TMEM259: variants seen among roughly 807,000 people sequenced by gnomAD.
The protein encoded by TMEM259 is transmembrane protein 259.
In TMEM259, 26 loss-of-function variants were observed where a neutral mutation model predicts 46.7. The ratio of observed to expected loss-of-function variants is 0.56; its 90% confidence interval spans 0.41 to 0.77. The LOEUF is 0.77. Ranked by LOEUF, TMEM259 falls within the 30% of genes least tolerant of loss-of-function variation. The pLI is 0.00. For missense variants in TMEM259, 930 were observed against 900.5 expected (o/e 1.03, Z -0.42); for synonymous variants, 494 against 395.1 (o/e 1.25, Z -2.97).
At chr19:1,011,549 C>A (rs373814411) in intron 8 of TMEM259, 31 bp downstream of exon 8, 3 of 480,872 alleles carry the variant, frequency 6.2e-6, no homozygotes, top group African/African-American at 2.2e-5. Flanking sequence ...GGGTGCAGCG[C>A]GGGGCGGGGG....
Position 1,011,593 on chromosome 19 carries a change from G to T in TMEM259, c.1071C>A (p.Ile357=), listed in dbSNP as rs748336487. ...TGGGGTCCTCACCGACGAGGGCCAG[G>T]ATGACGGTCAGCAGGGGCGCTGCGG... is the stretch of plus-strand genomic sequence containing the variant. ...AFPAAPLLTV[I]LALVGMEAIM... The change falls in exon 8 of 11, where the codon ATC becomes ATA. Residue 357 remains isoleucine, a synonymous_variant. Transcript: ENST00000356663. 1.3e-6 allele frequency: 2 copies of T among 1,544,662 alleles called. No homozygotes were observed. The highest frequency in any genetic ancestry group is 1.2e-5 in the South Asian group (1 of 83,916).
rs377166156 is a variant in TMEM259, at chr19:1,011,690, G to A, written c.1001-27C>T. 1.1e-4 allele frequency: 169 copies of A among 1,534,780 alleles called. No homozygotes were observed. The African/African-American group carries it at 1.2e-3, about 11-fold the overall frequency. ...TGCGGGCACAGGGCGGCGGGCGCCC[G>A]GTGAGGGCCTGGAGGACGCCCGCCC... On this transcript the variant is annotated intron_variant, in intron 7 of 10. Transcript: ENST00000356663.
At chr19:1,014,751 C>T (rs947928680) in intron 1 of TMEM259, among the ~76,000 whole-genome samples, 6 of 152,198 alleles carry the variant, frequency 3.9e-5, no homozygotes, top group Admixed American at 1.3e-4. Context: ...TCTGACAGGC[C>T]CTGGGGCTTC....
chr19:1,014,122 A>G, intron 2 of TMEM259, 70 bp downstream of exon 2: 1 of 1,537,518 alleles, frequency 6.5e-7, no homozygotes, highest in Non-Finnish European at 8.8e-7. Context: ...GATGTCAGGA[A>G]CCGCCCCTTC....
At chr19:1,015,550 G>A (rs1347445381) in intron 1 of TMEM259, among the ~76,000 whole-genome samples, 1 of 152,182 alleles carries the variant, frequency 6.6e-6, no homozygotes, top group Non-Finnish European at 1.5e-5. Flanking sequence ...CTGAGGTCCA[G>A]GCATCACCCC....
intron 1 of TMEM259, among the ~76,000 whole-genome samples, chr19:1,015,514 T>G (rs1250876843): frequency 6.6e-6 from 1 of 152,132 alleles, no homozygotes; most frequent in East Asian, 1.9e-4. Context: ...CGTCTGGCGG[T>G]TTGGCTGCCC....
Position 1,010,782 on chromosome 19 carries a change from C to T in TMEM259, c.1431G>A (p.Ala477=), listed in dbSNP as rs928835377. The part of the protein sequence containing the change: ...APPLGPGTPT[A]LPDDMNNNSG... ...AGTTGTTGTTCATGTCATCGGGCAG[C>T]GCCGTGGGGGTCCCGGGGCCCAGTG... The change falls in exon 11 of 11, where the codon GCG becomes GCA. Residue 477 remains alanine (A), a synonymous_variant. Transcript: ENST00000356663. 5.1e-6 allele frequency: 8 copies of T among 1,559,346 alleles called. No homozygotes were observed. The highest frequency in any genetic ancestry group is 4.1e-5 in the African/African-American group (3 of 73,698).
intron 4 of TMEM259, 91 bp from the exon 5 acceptor site, chr19:1,012,279 G>C: frequency 6.6e-7 from 1 of 1,522,104 alleles, no homozygotes; most frequent in South Asian, 1.2e-5. Context: ...GGCCTGGCCT[G>C]CTTCCTGGCC....
At chr19:1,018,135 A>G (rs1254031578) in intron 1 of TMEM259, among the ~76,000 whole-genome samples, 1 of 152,202 alleles carries the variant, frequency 6.6e-6, no homozygotes, top group African/African-American at 2.4e-5. Flanking sequence ...CCAGAGCCCA[A>G]CCGCACAGGT....
rs1237591761 is a variant in TMEM259 at position 1,013,270 on chromosome 19, T to C, written c.578A>G (p.Glu193Gly). The change falls in exon 3 of 11, where the codon GAG (glutamate) becomes GGG (glycine). Residue 193 changes from glutamate to glycine, a missense_variant. Transcript: ENST00000356663. ...SSTEALNDSQEFPFPETPTKV... is the reference protein window; with the variant it reads ...SSTEALNDSQGFPFPETPTKV... ...GGTGGGCGTCTCGGGGAAGGGGAAC[T>C]CCTGGCTGTCATTCAGGGCCTCTGT... The C allele has an allele frequency of 6.2e-7, 1 of 1,613,688 alleles. No homozygotes were observed. Among genetic ancestry groups the C allele is most frequent in the African/African-American group, 1.3e-5 (1 of 74,918 alleles).
At position 1,010,346 on chromosome 19, in the gene TMEM259, C is replaced by T. The variant is rs758446090; in HGVS notation, c.*4G>A. The T allele has an allele frequency of 1.1e-5, 16 of 1,475,862 alleles. No individual in the cohort carries two copies. Among genetic ancestry groups the T allele is most frequent in the African/African-American group, 4.4e-5 (3 of 68,034 alleles). The allele number at this position is 1,475,862 out of a possible 1,614,324, so 91.4% of individuals were successfully genotyped here. A position where few individuals can be genotyped will look rare whatever the true frequency, so the allele number is the denominator to read the frequency against. On this transcript the variant is annotated 3_prime_UTR_variant, in exon 11 of 11. Coordinates refer to ENST00000356663, the MANE Select transcript of TMEM259 (RefSeq NM_001033026.2). The stretch of plus-strand genomic sequence containing the variant: ...AGGGGTCAGAGGCGGCTCAGCTGTG[C>T]GGCTCAGGACCCCACCTCCGAGGGC...
chr19:1,012,715 A>C (rs748158705), intron 3 of TMEM259, 142 bp from the exon 4 acceptor site: 3 of 1,128,508 alleles, frequency 2.7e-6, no homozygotes, highest in East Asian at 2.6e-5. Flanking sequence ...GGACCCCTAC[A>C]TGGACACTTG....
chr19:1,010,510 C>T lies in TMEM259; in HGVS notation c.1703G>A (p.Ser568Asn), dbSNP rs1251027588. 6.5e-7 allele frequency: 1 copy of T among 1,547,678 alleles called. No homozygotes were observed. The highest frequency in any genetic ancestry group is 8.7e-7 in the Non-Finnish European group (1 of 1,146,440). Residue 568 changes from serine (S) to asparagine (N), a missense_variant, in exon 11 of 11, where the codon AGC (serine) becomes AAC (asparagine). Ser to Asn is a conservative substitution (Grantham distance 46). Transcript: ENST00000356663. The part of the protein sequence containing the change: ...SASLLERRPA[S>N]PLGPAGGLPH... Reference sequence around the variant, plus strand: ...GAGGCCCCCAGCAGGGCCCAGCGGGCTGGCTGGACGCCGCTCCAGGAGGGA... The same window carrying T: ...GAGGCCCCCAGCAGGGCCCAGCGGGTTGGCTGGACGCCGCTCCAGGAGGGA...
At chr19:1,014,594 AC>A in intron 1 of TMEM259, 121 bp from the exon 2 acceptor site, 1 of 1,171,586 alleles carries the variant, frequency 8.5e-7, no homozygotes, top group Non-Finnish European at 1.2e-6. Flanking sequence ...AAGGAAGGAA[AC>A]CCCAGAAGCC....
chr19:1,010,207 G>A lies in TMEM259; in HGVS notation c.*143C>T. ...ACCAGGGGGAGGAAAGCCGCCTTCC[G>A]GGCAAACCCCACGAAACCCTGAAAG... On this transcript the variant is annotated 3_prime_UTR_variant, in exon 11 of 11. Coordinates refer to ENST00000356663, the MANE Select transcript of TMEM259 (RefSeq NM_001033026.2). 4 of 809,800 alleles carry A rather than the reference G, an allele frequency of 4.9e-6. No homozygotes were observed. The highest frequency in any genetic ancestry group is 2.3e-5 in the South Asian group (1 of 44,336). 50.2% of individuals were successfully genotyped at this position (809,800 alleles called of 1,614,324 possible).
In TMEM259 at chr19:1,010,886, T is replaced by C. The variant is rs1323262635; in HGVS notation, c.1327A>G (p.Ile443Val). 6.5e-7 allele frequency: 1 copy of C among 1,549,814 alleles called. No homozygotes were observed. Among genetic ancestry groups the C allele is most frequent in the Admixed American group, 1.7e-5 (1 of 59,118 alleles). Reference protein sequence around the residue: ...TSWLFIQHSMIYFFHHYELPA... With the variant: ...TSWLFIQHSMVYFFHHYELPA... ...AGCTCGTAGTGGTGGAAGAAGTAGA[T>C]CATGGAATGCTGCGGGAGGGAGAGT... The change falls in exon 11 of 11, where the codon ATC becomes GTC. Residue 443 changes from isoleucine (I) to valine (V), a missense_variant. Physicochemically the swap from Ile to Val is conservative, Grantham distance 29 (BLOSUM62 3). Coordinates refer to ENST00000356663, the MANE Select transcript of TMEM259 (RefSeq NM_001033026.2).
rs1183783580 is a variant in TMEM259 at position 1,012,202 on chromosome 19, A to T, written c.719-14T>A. On this transcript the variant is annotated splice_polypyrimidine_tract_variant and intron_variant, in intron 4 of 10. Coordinates refer to ENST00000356663, the MANE Select transcript of TMEM259 (RefSeq NM_001033026.2). Reference sequence around the variant, plus strand: ...CCCGCGTGGGGTCTGCGGGTGGGTGAATCAGGGAGCCGGGAGCCCCGCCCA... The same window carrying T: ...CCCGCGTGGGGTCTGCGGGTGGGTGTATCAGGGAGCCGGGAGCCCCGCCCA... The T allele has an allele frequency of 6.3e-7, 1 of 1,591,630 alleles. No homozygotes were observed. The highest frequency in any genetic ancestry group is 2.3e-5 in the East Asian group (1 of 43,614).
At chr19:1,015,561 C>T (rs1016013911) in intron 1 of TMEM259, among the ~76,000 whole-genome samples, 4 of 152,200 alleles carry the variant, frequency 2.6e-5, no homozygotes, top group Non-Finnish European at 4.4e-5. Context: ...GCATCACCCC[C>T]GAGCCTGGTG....
At position 1,012,520 on chromosome 19, in the gene TMEM259, G is replaced by A. The variant is rs765662869; in HGVS notation, c.661C>T (p.Arg221Cys). The part of the protein sequence containing the change: ...VEYSLEYGFL[R>C]LSQATRQRLS... ...CGCTGGCGGGTGGCCTGCGACAGGCGAAGGAAGCCATACTCTAGTGAGTAC... is the reference window on the plus strand; with the variant it reads ...CGCTGGCGGGTGGCCTGCGACAGGCAAAGGAAGCCATACTCTAGTGAGTAC... The change falls in exon 4 of 11, where the codon CGC becomes TGC. Residue 221 changes from arginine (R) to cysteine (C), a missense_variant. Coordinates refer to ENST00000356663, the MANE Select transcript of TMEM259 (RefSeq NM_001033026.2). The A allele has an allele frequency of 6.2e-7, 1 of 1,600,122 alleles. No homozygotes were observed. The highest frequency in any genetic ancestry group is 8.5e-7 in the Non-Finnish European group (1 of 1,175,070).
Sources: allele counts gnomAD v4.1 joint callset (sites outside exome capture counted in the v4.1 genomes callset), GRCh38; gene constraint gnomAD v4.1.1; transcripts MANE v1.5; gene names NCBI Gene and HGNC (gene_info 2026-07-23, HGNC 2026-07-21).